Variants in SNTG2 observed in about 807,000 individuals in gnomAD.
SNTG2 encodes the protein gamma-2-syntrophin.
A neutral mutation model predicts 70.9 loss-of-function variants in SNTG2; 74 were observed. The ratio of observed to expected loss-of-function variants is 1.04; its 90% CI spans 0.86 to 1.27. The LOEUF (loss-of-function observed/expected upper bound fraction) is 1.27, where lower values mean the gene tolerates loss of function less well. SNTG2 is among the 50% of genes most tolerant of loss of function. SNTG2 has a pLI of 0.00. For synonymous variants in SNTG2, 278 were observed against 273.8 expected (o/e 1.02, Z -0.15); for missense variants, 717 against 690.7 (o/e 1.04, Z -0.43).
At chr2:1,002,765 A>T in intron 1 of SNTG2, among the ~76,000 whole-genome samples, 1 of 151,616 alleles carries the variant, frequency 6.6e-6, no homozygotes, top group Non-Finnish European at 1.5e-5. Context: ...CCCAAAGGGA[A>T]AAAAATTATA....
intron 14 of SNTG2, among the ~76,000 whole-genome samples, chr2:1,299,961 G>T (rs971915653): frequency 1.6e-5 from 2 of 127,934 alleles, no homozygotes; most frequent in African/African-American, 6.2e-5. Context: ...CATGCAAGAA[G>T]GGTGCCTTAA....
chr2:978,782 A>G (rs1660996329), intron 1 of SNTG2, among the ~76,000 whole-genome samples: 1 of 152,250 alleles, frequency 6.6e-6, no homozygotes, highest in African/African-American at 2.4e-5. Context: ...AAGTCTCGCA[A>G]TGAGAAGATG....
chr2:1,054,962 T>TTTTTC (rs1662299360), intron 1 of SNTG2, among the ~76,000 whole-genome samples: 20 of 152,290 alleles, frequency 1.3e-4, no homozygotes, highest in Non-Finnish European at 2.1e-4. Context: ...TGTTTTTTTT[T>TTTTTC]CCCTATTGAT....
chr2:1,118,105 C>T (rs1667152475), intron 4 of SNTG2, among the ~76,000 whole-genome samples: 1 of 152,076 alleles, frequency 6.6e-6, no homozygotes, highest in Admixed American at 6.6e-5. Context: ...AATCTGAAGC[C>T]ACCTGAGCCC....
intron 8 of SNTG2, among the ~76,000 whole-genome samples, chr2:1,201,599 A>G (rs1269641773): frequency 1.3e-5 from 2 of 151,926 alleles, no homozygotes; most frequent in Admixed American, 1.3e-4. Flanking sequence ...ATATTTCAAA[A>G]TACCTAGAAG....
chr2:1,346,770 A>T (rs138136341), intron 16 of SNTG2, among the ~76,000 whole-genome samples: 1 of 152,100 alleles, frequency 6.6e-6, no homozygotes, highest in African/African-American at 2.4e-5. Flanking sequence ...AAGTCAGTGC[A>T]TGGAGGGTGT....
At chr2:1,361,876 C>T (rs1188319734) in intron 16 of SNTG2, among the ~76,000 whole-genome samples, 817 of 49,810 alleles carry the variant, frequency 0.016, 11 homozygotes, top group East Asian at 0.018. Flanking sequence ...TGAAAGTCAC[C>T]AACGCTGAGC....
At chr2:1,182,881 T>G (rs1672009575) in intron 8 of SNTG2, among the ~76,000 whole-genome samples, 1 of 152,120 alleles carries the variant, frequency 6.6e-6, no homozygotes, top group Non-Finnish European at 1.5e-5. Flanking sequence ...GCCTTCCCAG[T>G]AGCTGGGGCT....
At chr2:1,182,401 A>T (rs1171082752) in intron 8 of SNTG2, among the ~76,000 whole-genome samples, 1 of 151,174 alleles carries the variant, frequency 6.6e-6, no homozygotes, top group Non-Finnish European at 1.5e-5. Flanking sequence ...GACTCTGGTC[A>T]TTGTAACTAA....
At chr2:1,083,493 TTG>T in intron 1 of SNTG2, 23 bp from the exon 2 acceptor site, 1 of 1,612,796 alleles carries the variant, frequency 6.2e-7, no homozygotes, top group Non-Finnish European at 8.5e-7. Flanking sequence ...CACCATTTTT[TTG>T]TGTTTCCACT....
intron 16 of SNTG2, among the ~76,000 whole-genome samples, chr2:1,356,257 G>A (rs938628543): frequency 6.6e-6 from 1 of 152,124 alleles, no homozygotes; most frequent in Non-Finnish European, 1.5e-5. Context: ...GTGAAAATCA[G>A]TGCCAAGATC....
intron 4 of SNTG2, among the ~76,000 whole-genome samples, chr2:1,101,500 A>G (rs1572433011): frequency 6.6e-6 from 1 of 152,354 alleles, no homozygotes; most frequent in South Asian, 2.1e-4. Context: ...TATGTCTTCC[A>G]TTCCATGTAA....
At chr2:1,105,973 A>C (rs1666099086) in intron 4 of SNTG2, among the ~76,000 whole-genome samples, 1 of 152,122 alleles carries the variant, frequency 6.6e-6, no homozygotes, top group South Asian at 2.1e-4. Context: ...TAGTGGGCGC[A>C]CACTGTCATT....
Position 1,307,829 on chromosome 2 carries a change from G to C in SNTG2, c.1285-665G>C, listed in dbSNP as rs76985797. On this transcript the variant is annotated intron_variant, in intron 14 of 16. Coordinates refer to ENST00000308624, the MANE Select transcript of SNTG2 (RefSeq NM_018968.4). ...CTGAAGCCCAGAGACCTTCCGGGCA[G>C]AGCCCAGGAGCAGAGAACCCAACCC... Among the ~76,000 whole-genome samples the C allele has an allele frequency of 1.8e-3, 272 of 152,366 alleles. 4 individuals are homozygous for C. Among genetic ancestry groups the C allele is most frequent in the Non-Finnish European group, 2.8e-3 (190 of 68,044 alleles).
intron 16 of SNTG2, among the ~76,000 whole-genome samples, chr2:1,366,235 A>G (rs1244614739): frequency 7.2e-5 from 11 of 152,232 alleles, no homozygotes; most frequent in Admixed American, 7.2e-4. Context: ...AAGAAAGACA[A>G]CATTAGAAGA....
At chr2:1,239,484 C>A (rs1349751020) in intron 10 of SNTG2, among the ~76,000 whole-genome samples, 3 of 152,198 alleles carry the variant, frequency 2.0e-5, no homozygotes, top group African/African-American at 7.2e-5. Context: ...AATTTAAGCA[C>A]CTGCTCTTGA....
At chr2:996,003 T>C (rs1661668113) in intron 1 of SNTG2, among the ~76,000 whole-genome samples, 1 of 152,166 alleles carries the variant, frequency 6.6e-6, no homozygotes, top group Non-Finnish European at 1.5e-5. Flanking sequence ...AAAGTCGTTA[T>C]TTAGTGGAAG....
chr2:1,046,808 C>G (rs1044717233), intron 1 of SNTG2, among the ~76,000 whole-genome samples: 1 of 151,914 alleles, frequency 6.6e-6, no homozygotes, highest in African/African-American at 2.4e-5. Context: ...TTGTATTGAC[C>G]TTGGAGAATC....
chr2:1,236,702 G>A (rs1435649535), intron 9 of SNTG2, among the ~76,000 whole-genome samples: 1 of 152,126 alleles, frequency 6.6e-6, no homozygotes, highest in Non-Finnish European at 1.5e-5. Context: ...TGATAGATTT[G>A]GCTCAAAAAT....
Sources: allele counts gnomAD v4.1 joint callset (sites outside exome capture counted in the v4.1 genomes callset), GRCh38; gene constraint gnomAD v4.1.1; transcripts MANE v1.5; gene names NCBI Gene and HGNC (gene_info 2026-07-23, HGNC 2026-07-21).